SCML2: variants seen among roughly 807,000 people sequenced by gnomAD.
SCML2 encodes the protein Scm polycomb group protein like 2, also known as sex comb on midleg-like protein 2.
SCML2 carries 6 observed loss-of-function variants against 48.4 expected under a neutral mutation model. The ratio of observed to expected loss-of-function variants is 0.12; its 90% CI spans 0.07 to 0.24. The LOEUF (loss-of-function observed/expected upper bound fraction) is 0.24. SCML2 is among the 10% of genes least tolerant of loss of function. The pLI is 1.00. For synonymous variants in SCML2, 181 were observed against 189.5 expected (o/e 0.95, Z 0.37); for missense variants, 377 against 528.2 (o/e 0.71, Z 2.81).
rs778619057 is a variant in SCML2, at chrX:18,312,637, G to A, written c.487-7422C>T. On this transcript the variant is annotated intron_variant, in intron 6 of 14. Coordinates refer to ENST00000251900, the MANE Select transcript of SCML2 (RefSeq NM_006089.3). ...TGTATTTTGAAGGTACAGTCAATAG[G>A]ATTTCCTTATGGACCAGATGTAGGG... is the stretch of plus-strand genomic sequence containing the variant. 9.1e-5 allele frequency among the ~76,000 whole-genome samples: 10 copies of A among 110,245 alleles called. No individual in the cohort carries two copies. The South Asian group carries it at 3.2e-3, about 35-fold the overall frequency.
intron 7 of SCML2, among the ~76,000 whole-genome samples, chrX:18,268,920 C>A (rs1231914589): frequency 9.0e-6 from 1 of 111,371 alleles, no homozygotes; most frequent in East Asian, 2.8e-4. Context: ...ATCCCCAACT[C>A]CTTGCTGTCT....
chrX:18,297,899 C>T (rs1928449797), intron 7 of SCML2, among the ~76,000 whole-genome samples: 1 of 111,166 alleles, frequency 9.0e-6, no homozygotes, highest in Non-Finnish European at 1.9e-5. Context: ...GTCCCAGCTA[C>T]TCAGAAGGCT....
chrX:18,343,923 T>TAAA lies in SCML2; in HGVS notation c.-24-9831_-24-9829dup, dbSNP rs1203495780. 2.2e-3 allele frequency among the ~76,000 whole-genome samples: 119 copies of TAAA among 53,323 alleles called. 1 individual carries two copies. The highest frequency in any genetic ancestry group is 7.9e-3 in the African/African-American group (104 of 13,142). 46.3% of individuals were successfully genotyped at this position (53,323 alleles called of 115,157 possible). ...AACACAGTGAAACCCTGCCTCTATTTAAAAAAAAAAAAAAAAAAAGAAAGA... is the reference window on the plus strand; with the variant it reads ...AACACAGTGAAACCCTGCCTCTATTTAAAAAAAAAAAAAAAAAAAAAAGAAAGA... On this transcript the variant is annotated intron_variant, in intron 1 of 14. Coordinates refer to ENST00000251900, the MANE Select transcript of SCML2 (RefSeq NM_006089.3).
At chrX:18,290,763 C>A (rs1345471522) in intron 7 of SCML2, among the ~76,000 whole-genome samples, 1 of 110,119 alleles carries the variant, frequency 9.1e-6, no homozygotes, top group South Asian at 3.9e-4. Flanking sequence ...CAAACTTTCC[C>A]CAAAAAAGAC....
chrX:18,268,089 C>A (rs1927318148), intron 7 of SCML2, among the ~76,000 whole-genome samples: 1 of 112,490 alleles, frequency 8.9e-6, no homozygotes. Flanking sequence ...TGCTGCAACT[C>A]ACTGATTTCC....
chrX:18,343,264 G>A (rs1262647639), intron 1 of SCML2, among the ~76,000 whole-genome samples: 4 of 107,340 alleles, frequency 3.7e-5, no homozygotes, highest in African/African-American at 1.4e-4. Flanking sequence ...TCTTCAGTAA[G>A]GGTAAACATT....
intron 7 of SCML2, among the ~76,000 whole-genome samples, chrX:18,271,845 C>G (rs1161860791): frequency 9.0e-6 from 1 of 110,959 alleles, no homozygotes; most frequent in African/African-American, 3.3e-5. Context: ...CACCTTTTCA[C>G]TTAAAGGAAG....
chrX:18,320,516 C>T, intron 5 of SCML2, 96 bp from the exon 6 acceptor site: 2 of 480,785 alleles, frequency 4.2e-6, no homozygotes, highest in South Asian at 5.2e-5. Flanking sequence ...CCATTCTTCT[C>T]GAGAGAATGA....
intron 2 of SCML2, among the ~76,000 whole-genome samples, chrX:18,330,889 G>T (rs1929633394): frequency 9.0e-6 from 1 of 110,572 alleles, no homozygotes; most frequent in African/African-American, 3.3e-5. Context: ...TTATTTTATT[G>T]TCTATCTCAT....
At chrX:18,313,153 T>G (rs16980772) in intron 6 of SCML2, among the ~76,000 whole-genome samples, 4 of 109,995 alleles carry the variant, frequency 3.6e-5, no homozygotes, top group Non-Finnish European at 7.6e-5. Flanking sequence ...TTCCAAACCT[T>G]AGTTCAATAT....
At chrX:18,339,536 C>T (rs1158574873) in intron 1 of SCML2, among the ~76,000 whole-genome samples, 1 of 111,200 alleles carries the variant, frequency 9.0e-6, no homozygotes, top group Non-Finnish European at 1.9e-5. Context: ...AGCAAGACAC[C>T]ATCACTACAG....
intron 11 of SCML2, among the ~76,000 whole-genome samples, chrX:18,255,406 G>A (rs896374388): frequency 8.9e-6 from 1 of 112,103 alleles, no homozygotes; most frequent in African/African-American, 3.2e-5. Context: ...GAGATTACAA[G>A]GCCAGGATTG....
intron 8 of SCML2, among the ~76,000 whole-genome samples, chrX:18,262,167 A>G (rs1187596608): frequency 1.8e-5 from 2 of 108,379 alleles, no homozygotes; most frequent in African/African-American, 3.5e-5. Flanking sequence ...GTCAGCCACA[A>G]GAGATCTGAA....
intron 7 of SCML2, among the ~76,000 whole-genome samples, chrX:18,274,522 T>C (rs1197601076): frequency 8.9e-6 from 1 of 111,989 alleles, no homozygotes; most frequent in African/African-American, 3.2e-5. Flanking sequence ...CTTTAGAAAA[T>C]ACAAATTTAT....
intron 7 of SCML2, among the ~76,000 whole-genome samples, chrX:18,282,163 C>T (rs1199301797): frequency 2.7e-5 from 3 of 109,783 alleles, no homozygotes; most frequent in African/African-American, 1.0e-4. Context: ...AAAATCCATA[C>T]AAAAGATCAA....
chrX:18,324,134 TAAGAG>T (rs2147543298), intron 4 of SCML2, 41 bp from the exon 5 acceptor site: 2 of 881,615 alleles, frequency 2.3e-6, no homozygotes, highest in East Asian at 6.8e-5. Flanking sequence ...GCATCAACTA[TAAGAG>T]AAGACACATG....
At chrX:18,290,535 G>C (rs942302208) in intron 7 of SCML2, among the ~76,000 whole-genome samples, 2 of 110,781 alleles carry the variant, frequency 1.8e-5, no homozygotes, top group African/African-American at 6.6e-5. Context: ...ACCAGTGTAG[G>C]TCATTAAGTT....
chrX:18,251,313 A>C (rs1463758438), intron 11 of SCML2, among the ~76,000 whole-genome samples: 14 of 100,884 alleles, frequency 1.4e-4, no homozygotes, highest in Non-Finnish European at 2.2e-4. Context: ...CCATTGCAAA[A>C]AAAAAAAAAA....
At chrX:18,248,216 A>G (rs1018017649) in intron 11 of SCML2, among the ~76,000 whole-genome samples, 2 of 111,904 alleles carry the variant, frequency 1.8e-5, no homozygotes, top group Non-Finnish European at 3.8e-5. Context: ...AATTGTTCCC[A>G]TGAGCCAGAG....
Sources: allele counts gnomAD v4.1 joint callset (sites outside exome capture counted in the v4.1 genomes callset), GRCh38; gene constraint gnomAD v4.1.1; transcripts MANE v1.5; gene names NCBI Gene and HGNC (gene_info 2026-07-23, HGNC 2026-07-21).